Variants in MGA observed in about 807,000 individuals in gnomAD.
MGA encodes MAX dimerization protein MGA.
In MGA, 40 loss-of-function variants were observed where a neutral mutation model predicts 261.1. That is an observed-to-expected ratio of 0.15 (90% CI 0.12 to 0.20). MGA has a LOEUF of 0.20. Ranked by LOEUF, MGA falls within the 10% of genes least tolerant of loss-of-function variation. MGA has a pLI of 1.00. For synonymous variants in MGA, 1,302 were observed against 1,290.6 expected (o/e 1.01, Z -0.19); for missense variants, 3,397 against 3,630.5 (o/e 0.94, Z 1.65).
chr15:41,707,937 C>T (rs2060201085), intron 6 of MGA, 78 bp downstream of exon 6: 1 of 1,513,814 alleles, frequency 6.6e-7, no homozygotes, highest in Admixed American at 2.1e-5. Context: ...TAAAAAGCTA[C>T]CTTTATTGGT....
intron 1 of MGA, among the ~76,000 whole-genome samples, chr15:41,653,390 CAACA>C (rs1279776047): frequency 8.8e-5 from 13 of 148,568 alleles, no homozygotes; most frequent in South Asian, 8.6e-4. Context: ...CAACAAAAAA[CAACA>C]AACAAACAAA....
chr15:41,692,754 C>G (rs1403048794), intron 2 of MGA, among the ~76,000 whole-genome samples: 1 of 152,152 alleles, frequency 6.6e-6, no homozygotes, highest in Non-Finnish European at 1.5e-5. Flanking sequence ...CTCTGTCACC[C>G]AGGCTGGAGT....
chr15:41,711,849 C>G (rs1000704662), intron 8 of MGA, among the ~76,000 whole-genome samples: 1 of 152,104 alleles, frequency 6.6e-6, no homozygotes, highest in Non-Finnish European at 1.5e-5. Flanking sequence ...GCACATACCA[C>G]TGCACCTGGC....
chr15:41,685,168 G>T (rs577147820), intron 2 of MGA, among the ~76,000 whole-genome samples: 1 of 152,248 alleles, frequency 6.6e-6, no homozygotes, highest in East Asian at 1.9e-4. Flanking sequence ...GTCAGGGTTC[G>T]TATTTTTCCA....
chr15:41,655,024 AT>A (rs1449811535), intron 1 of MGA, among the ~76,000 whole-genome samples: 1 of 151,846 alleles, frequency 6.6e-6, no homozygotes, highest in Non-Finnish European at 1.5e-5. Context: ...TAGGTAATAC[AT>A]TTGTCCCTCA....
At chr15:41,752,532 A>G (rs557538468) in intron 17 of MGA, among the ~76,000 whole-genome samples, 21 of 150,598 alleles carry the variant, frequency 1.4e-4, no homozygotes, top group African/African-American at 4.9e-4. Flanking sequence ...TGGAACTTAC[A>G]TAATAGAACC....
At chr15:41,762,554 C>T (rs1200889192) in intron 22 of MGA, among the ~76,000 whole-genome samples, 192 bp downstream of exon 22, 2 of 145,020 alleles carry the variant, frequency 1.4e-5, no homozygotes, top group African/African-American at 2.5e-5. Flanking sequence ...TTGCAACCTC[C>T]ACCTCCCAGG....
intron 15 of MGA, among the ~76,000 whole-genome samples, chr15:41,747,527 T>A (rs957179624): frequency 2.0e-5 from 3 of 150,902 alleles, no homozygotes; most frequent in African/African-American, 7.3e-5. Context: ...CCCCAGGGGT[T>A]CCAGACCAGC....
chr15:41,639,770 G>C (rs181052287), intron 1 of MGA, among the ~76,000 whole-genome samples: 2 of 151,848 alleles, frequency 1.3e-5, no homozygotes, highest in African/African-American at 4.8e-5. Context: ...GGATGGTCTC[G>C]ATCTCCTGAC....
At chr15:41,657,271 G>T (rs2057224405), upstream of MGA, among the ~76,000 whole-genome samples, 1 of 151,304 alleles carries the variant, frequency 6.6e-6, no homozygotes, top group Non-Finnish European at 1.5e-5. Flanking sequence ...GGCAAGGATG[G>T]AGTTGTCTAT....
rs556327388 is a variant in MGA at position 41,680,831 on chromosome 15, G to T, written c.1064+10873G>T. On this transcript the variant is annotated intron_variant, in intron 2 of 23. Coordinates refer to ENST00000219905, the MANE Select transcript of MGA (RefSeq NM_001164273.2). ...AATTTTGGGGGTTCATTACATAGGG[G>T]TAATTGACAAAATCTGTGATTGAAC... Among the ~76,000 whole-genome samples the T allele has an allele frequency of 3.3e-5, 5 of 152,262 alleles. No homozygotes were observed. In the South Asian group the frequency reaches 1.0e-3, roughly 32 times the overall value.
At chr15:41,696,024 T>A (rs2059537869) in intron 2 of MGA, 51 bp from the exon 3 acceptor site, 7 of 1,308,312 alleles carry the variant, frequency 5.4e-6, no homozygotes, top group Non-Finnish European at 7.4e-6. Flanking sequence ...TCAAGTCTTG[T>A]TAATGGATCA....
At chr15:41,678,089 A>T (rs2151058584) in intron 2 of MGA, among the ~76,000 whole-genome samples, 1 of 150,180 alleles carries the variant, frequency 6.7e-6, no homozygotes, top group East Asian at 2.0e-4. Context: ...ATCAATTTTG[A>T]ATTTTTTTTT....
intron 1 of MGA, among the ~76,000 whole-genome samples, chr15:41,635,759 A>G (rs2150578925): frequency 6.6e-6 from 1 of 152,310 alleles, no homozygotes; most frequent in South Asian, 2.1e-4. Context: ...ACATAATGAT[A>G]TTTTGGTCAA....
At chr15:41,631,466 G>A (rs1013847797) in intron 1 of MGA, among the ~76,000 whole-genome samples, 2 of 152,084 alleles carry the variant, frequency 1.3e-5, no homozygotes, top group African/African-American at 4.8e-5. Flanking sequence ...CTAGGAGTTC[G>A]AGACCAACCT....
At chr15:41,667,816 T>C (rs1478136957) in intron 1 of MGA, among the ~76,000 whole-genome samples, 1 of 152,130 alleles carries the variant, frequency 6.6e-6, no homozygotes, top group Non-Finnish European at 1.5e-5. Context: ...TTATTTTTAT[T>C]TCTTTGAGAC....
At chr15:41,664,306 T>C (rs560672514) in intron 1 of MGA, among the ~76,000 whole-genome samples, 1 of 152,330 alleles carries the variant, frequency 6.6e-6, no homozygotes, top group African/African-American at 2.4e-5. Context: ...GTATATAAAG[T>C]TAGTGTAAAA....
At chr15:41,714,301 G>A (rs1207334278) in intron 9 of MGA, among the ~76,000 whole-genome samples, 1 of 152,102 alleles carries the variant, frequency 6.6e-6, no homozygotes, top group Non-Finnish European at 1.5e-5. Flanking sequence ...TATAATGTTA[G>A]TTTTAATGGC....
chr15:41,738,070 C>G (rs1234154209), intron 13 of MGA, among the ~76,000 whole-genome samples: 10 of 151,942 alleles, frequency 6.6e-5, no homozygotes, highest in Admixed American at 6.6e-4. Flanking sequence ...ATTAGATTGG[C>G]TGCTTCTAAG....
Sources: allele counts gnomAD v4.1 joint callset (sites outside exome capture counted in the v4.1 genomes callset), GRCh38; gene constraint gnomAD v4.1.1; transcripts MANE v1.5; gene names NCBI Gene and HGNC (gene_info 2026-07-23, HGNC 2026-07-21).